The following TBCD variants were observed in gnomAD, a reference collection of about 807,000 sequenced individuals.
The protein encoded by TBCD is tubulin folding cofactor D.
A neutral mutation model predicts 169.3 loss-of-function variants in TBCD; 105 were observed. That is an observed-to-expected ratio of 0.62 (90% CI 0.53 to 0.73). The LOEUF is 0.73. Among genes scored for constraint, TBCD ranks in the 30% least tolerant of loss-of-function variants. The pLI is 0.00. For missense variants in TBCD, 1,444 were observed against 1,600.1 expected, an observed-to-expected ratio of 0.90 and a Z score of 1.66; for synonymous variants, 700 against 643.9, an observed-to-expected ratio of 1.09 and a Z score of -1.32.
At chr17:82,895,856 T>C (rs1236721059) in intron 17 of TBCD, 7 of 152,036 alleles carry the variant, frequency 4.6e-5, no homozygotes, top group Admixed American at 2.0e-4. Flanking sequence ...GGAATTGAAC[T>C]AACGGGCACC....
chr17:82,790,056 C>G (rs968011919), intron 7 of TBCD, among the ~76,000 whole-genome samples: 2 of 152,170 alleles, frequency 1.3e-5, no homozygotes, highest in Non-Finnish European at 2.9e-5. Flanking sequence ...CATGTGGCTG[C>G]GCCGCCACCC....
At chr17:82,839,259 C>T (rs773462369) in intron 13 of TBCD, among the ~76,000 whole-genome samples, 1 of 152,138 alleles carries the variant, frequency 6.6e-6, no homozygotes, top group Non-Finnish European at 1.5e-5. Context: ...TGTGTATACA[C>T]CACACATATA....
intron 21 of TBCD, among the ~76,000 whole-genome samples, chr17:82,908,730 C>T (rs2060418177): frequency 6.6e-6 from 1 of 152,196 alleles, no homozygotes; most frequent in Non-Finnish European, 1.5e-5. Flanking sequence ...AACGTGGCCT[C>T]CCCACTGACG....
chr17:82,752,656 C>T (rs1327635811), intron 1 of TBCD, among the ~76,000 whole-genome samples: 1 of 152,166 alleles, frequency 6.6e-6, no homozygotes, highest in Non-Finnish European at 1.5e-5. Context: ...CTGCGGCCTC[C>T]CCGGGAGGCG....
chr17:82,781,749 G>C (rs1218026485), intron 7 of TBCD, 28 bp downstream of exon 7: 4 of 1,607,268 alleles, frequency 2.5e-6, no homozygotes, highest in Admixed American at 1.7e-5. Flanking sequence ...GGGCTGTGGA[G>C]ATCGCAGGGA....
intron 13 of TBCD, among the ~76,000 whole-genome samples, chr17:82,828,585 A>G (rs919790450): frequency 7.0e-6 from 1 of 143,636 alleles, no homozygotes; most frequent in African/African-American, 2.6e-5. Context: ...CACCCACACA[A>G]TTGAATGCAC....
At chr17:82,925,898 G>A (rs770804884) in intron 27 of TBCD, among the ~76,000 whole-genome samples, 126 of 152,026 alleles carry the variant, frequency 8.3e-4, no homozygotes, top group Admixed American at 1.4e-3. Flanking sequence ...CCCTGGGGTG[G>A]GGGCTGGCCG....
chr17:82,867,525 C>G (rs879335078), intron 13 of TBCD, among the ~76,000 whole-genome samples: 2 of 152,210 alleles, frequency 1.3e-5, no homozygotes, highest in Non-Finnish European at 2.9e-5. Flanking sequence ...ATGTGTTGGC[C>G]ACGAACAGGC....
rs1443504779 is a variant in TBCD at position 82,822,243 on chromosome 17, G to C, written c.1318+7309G>C. On this transcript the variant is annotated intron_variant, in intron 13 of 38. Transcript: ENST00000355528. ...GACACAGCGTTTCTGTGACGGTGAAGGGGACAGGGTTTGGAGGGAGATTCA... is the reference window on the plus strand; with the variant it reads ...GACACAGCGTTTCTGTGACGGTGAACGGGACAGGGTTTGGAGGGAGATTCA... Among the ~76,000 whole-genome samples, 3 of 152,360 alleles carry C rather than the reference G, an allele frequency of 2.0e-5. No individual in the cohort carries two copies. The East Asian group carries it at 5.8e-4, about 29-fold the overall frequency.
chr17:82,842,963 G>A (rs1598866946), intron 13 of TBCD, among the ~76,000 whole-genome samples: 1 of 151,732 alleles, frequency 6.6e-6, no homozygotes, highest in African/African-American at 2.4e-5. Context: ...TGTATTTTTA[G>A]TAGAGACGGG....
At position 82,923,740 on chromosome 17, in the gene TBCD, G is replaced by A. The variant is rs773202038; in HGVS notation, c.2260+7G>A. 1.9e-6 allele frequency: 3 copies of A among 1,591,970 alleles called. No homozygotes were observed. The African/African-American group carries it at 4.0e-5, about 21-fold the overall frequency. On this transcript the variant is annotated splice_region_variant and intron_variant, in intron 26 of 38. Coordinates refer to ENST00000355528, the MANE Select transcript of TBCD (RefSeq NM_005993.5). This position sits in a 1 kb window ranked among gnomAD's most constrained non-coding sequence, Gnocchi z 4.6. Reference sequence around the variant, plus strand: ...GCAGATCCCGCAATTCAGGGTGAGTGGGGAGCCCTTTTCTTGAAGACTCCA... The same window carrying A: ...GCAGATCCCGCAATTCAGGGTGAGTAGGGAGCCCTTTTCTTGAAGACTCCA...
chr17:82,854,901 A>G (rs1318610397), intron 13 of TBCD, among the ~76,000 whole-genome samples: 1 of 152,240 alleles, frequency 6.6e-6, no homozygotes, highest in Non-Finnish European at 1.5e-5. Context: ...GCTCTGTGTA[A>G]AGGCCCTGAT....
intron 2 of TBCD, among the ~76,000 whole-genome samples, chr17:82,760,191 TGTTA>T (rs1489881410): frequency 6.6e-5 from 10 of 152,180 alleles, no homozygotes; most frequent in African/African-American, 2.4e-4. Flanking sequence ...TTTTGTTTGA[TGTTA>T]GTTTATATTT....
In TBCD at chr17:82,782,683, G is replaced by T. The variant is rs1385280344; in HGVS notation, c.771+962G>T. ...GCGCGTTTTAGGGGAGATGATGAGT[G>T]CCACCTCGCCACGGCGTCCTCCTGT... On this transcript the variant is annotated intron_variant, in intron 7 of 38. Coordinates refer to ENST00000355528, the MANE Select transcript of TBCD (RefSeq NM_005993.5). This position sits in a 1 kb window ranked among gnomAD's most constrained non-coding sequence, Gnocchi z 5.1. Among the ~76,000 whole-genome samples, 1 of 152,140 alleles carries T rather than the reference G, an allele frequency of 6.6e-6. No individual in the cohort carries two copies. Among genetic ancestry groups the T allele is most frequent in the Non-Finnish European group, 1.5e-5 (1 of 68,030 alleles).
rs1199204258 is a variant in TBCD at position 82,781,583 on chromosome 17, T to G, written c.639-6T>G. On this transcript the variant is annotated splice_region_variant and splice_polypyrimidine_tract_variant and intron_variant, in intron 6 of 38. Transcript: ENST00000355528. The stretch of plus-strand genomic sequence containing the variant: ...AGGCCTTGGTTGAGCTGTATCCTTT[T>G]GGCAGATTTATCACACGTCCTGATG... The G allele has an allele frequency of 6.2e-7, 1 of 1,613,450 alleles. No homozygotes were observed. Among genetic ancestry groups the G allele is most frequent in the Non-Finnish European group, 8.5e-7 (1 of 1,179,838 alleles).
At chr17:82,753,103 G>T (rs2047203377) in intron 1 of TBCD, among the ~76,000 whole-genome samples, 1 of 152,192 alleles carries the variant, frequency 6.6e-6, no homozygotes, top group South Asian at 2.1e-4. Context: ...TAGTTACATG[G>T]GGTTTTGTAA....
chr17:82,800,896 A>C lies in TBCD; in HGVS notation c.850A>C (p.Arg284=). 1.2e-6 allele frequency: 2 copies of C among 1,612,748 alleles called. No homozygotes were observed. The highest frequency in any genetic ancestry group is 1.7e-6 in the Non-Finnish European group (2 of 1,179,600). ...ATVLRCLDGC[R]LPESNQTLLR... ...TGTCCTCAGGTGCCTCGATGGCTGC[A>C]GACTCCCTGAGAGCAACCAGACCCT... The change falls in exon 9 of 39, where the codon AGA becomes CGA. Residue 284 remains arginine, a synonymous_variant. Coordinates refer to ENST00000355528, the MANE Select transcript of TBCD (RefSeq NM_005993.5).
chr17:82,827,718 C>A (rs1022341582), intron 13 of TBCD, among the ~76,000 whole-genome samples: 1 of 152,152 alleles, frequency 6.6e-6, no homozygotes, highest in African/African-American at 2.4e-5. Context: ...ATCGAATGTG[C>A]ATACACCCAC....
rs576533268 is a variant in TBCD at position 82,801,747 on chromosome 17, C to T, written c.950+751C>T. Among the ~76,000 whole-genome samples the T allele has an allele frequency of 6.1e-3, 763 of 124,332 alleles. 9 individuals are homozygous for T. Among genetic ancestry groups the T allele is most frequent in the Non-Finnish European group, 0.01 (618 of 61,620 alleles). The allele number at this position is 124,332 out of a possible 152,430, so 81.6% of individuals were successfully genotyped here. A position where few individuals can be genotyped will look rare whatever the true frequency, so the allele number is the denominator to read the frequency against. Reference sequence around the variant, plus strand: ...GGCAGGAGGGTGACGTGTGCGTGATCGTGTGGCTCAGGGTCAGCGTGGCAG... The same window carrying T: ...GGCAGGAGGGTGACGTGTGCGTGATTGTGTGGCTCAGGGTCAGCGTGGCAG... On this transcript the variant is annotated intron_variant, in intron 9 of 38. Coordinates refer to ENST00000355528, the MANE Select transcript of TBCD (RefSeq NM_005993.5).
Sources: gnomAD v4.1 joint callset for allele counts (sites outside exome capture counted in the v4.1 genomes callset) on GRCh38, gnomAD v4.1.1 for gene constraint, Gnocchi (gnomAD v3.1) non-coding constraint, MANE v1.5 for transcripts, NCBI Gene and HGNC (gene_info 2026-07-23, HGNC 2026-07-21) for gene names.